The following FLRT3 variants were observed in gnomAD, a reference collection of about 807,000 sequenced individuals.
The protein encoded by FLRT3 is leucine-rich repeat transmembrane protein FLRT3.
FLRT3 carries 17 observed loss-of-function variants against 42.6 expected under a neutral mutation model. That is an observed-to-expected ratio of 0.40 (90% CI 0.27 to 0.60). The LOEUF (loss-of-function observed/expected upper bound fraction) is 0.60, where lower values mean the gene tolerates loss of function less well. Among genes scored for constraint, FLRT3 ranks in the 20% least tolerant of loss-of-function variants. The pLI, the probability that FLRT3 is intolerant of heterozygous loss-of-function variation, is 0.44. For missense variants in FLRT3, 635 were observed against 789.2 expected, an observed-to-expected ratio of 0.80 and a Z score of 2.34; for synonymous variants, 279 against 286.4, an observed-to-expected ratio of 0.97 and a Z score of 0.26.
At chr20:14,334,338 A>G (rs1229147825) in intron 1 of FLRT3, among the ~76,000 whole-genome samples, 1 of 152,200 alleles carries the variant, frequency 6.6e-6, no homozygotes, top group East Asian at 1.9e-4. Context: ...TAAGAGGAAG[A>G]ATGCTGTTTC....
rs1414064666 is a variant in FLRT3 at position 14,324,278 on chromosome 20, T to C, written c.*1279A>G. 1 of 72,004 alleles carries C rather than the reference T, an allele frequency of 1.4e-5. No individual in the cohort carries two copies. The highest frequency in any genetic ancestry group is 3.0e-5 in the Non-Finnish European group (1 of 32,870). The allele number at this position is 72,004 out of a possible 1,614,324, so 4.5% of individuals were successfully genotyped here. On this transcript the variant is annotated 3_prime_UTR_variant, in exon 3 of 3. Transcript: ENST00000341420. Reference sequence around the variant, plus strand: ...TGGCCAAAGGGCGTACAATGCACTTTGGTTTTTTGTTGAAAAAAAAAAAAT... The same window carrying C: ...TGGCCAAAGGGCGTACAATGCACTTCGGTTTTTTGTTGAAAAAAAAAAAAT...
intron 1 of FLRT3, among the ~76,000 whole-genome samples, chr20:14,336,635 G>GCATA (rs1258121537): frequency 2.0e-5 from 3 of 152,166 alleles, no homozygotes; most frequent in Non-Finnish European, 4.4e-5. Context: ...CAAACTCACT[G>GCATA]CATACATCAG....
Position 14,323,467 on chromosome 20 carries a change from CT to C in FLRT3, c.*2089del, listed in dbSNP as rs1212096258. ...ATCTGGAAGCTCTCCAAATCTTGAC[CT>C]TTTGTTTTTTTATGGAGGCTTGATT... On this transcript the variant is annotated 3_prime_UTR_variant, in exon 3 of 3. Coordinates refer to ENST00000341420, the MANE Select transcript of FLRT3 (RefSeq NM_198391.3). 6.6e-6 allele frequency: 1 copy of C among 152,110 alleles called. No homozygotes were observed. Among genetic ancestry groups the C allele is most frequent in the Non-Finnish European group, 1.5e-5 (1 of 68,026 alleles). The allele number at this position is 152,110 out of a possible 1,614,324, so 9.4% of individuals were successfully genotyped here. A position where few individuals can be genotyped will look rare whatever the true frequency, so the allele number is the denominator to read the frequency against.
chr20:14,330,227 A>G (rs1234994405), intron 1 of FLRT3, among the ~76,000 whole-genome samples: 1 of 152,056 alleles, frequency 6.6e-6, no homozygotes, highest in Non-Finnish European at 1.5e-5. Context: ...TAAAGAGATC[A>G]TTGAATTTAA....
Position 14,325,586 on chromosome 20 carries a change from T to C in FLRT3, c.1921A>G (p.Ile641Val). Residue 641 changes from isoleucine (I) to valine (V), a missense_variant, in exon 3 of 3, where the codon ATT (isoleucine) becomes GTT (valine). By Grantham distance (29) the Ile-to-Val change is conservative (BLOSUM62 3). Coordinates refer to ENST00000341420, the MANE Select transcript of FLRT3 (RefSeq NM_198391.3). ...SSNRSYRDSG[I>V]PDSDHSHS ...GAGTGTGAGTGATCTGAGTCTGGAA[T>C]ACCACTGTCTCTGTAGCTTCGGTTA... 1 of 1,612,736 alleles carries C rather than the reference T, an allele frequency of 6.2e-7. No individual in the cohort carries two copies. The highest frequency in any genetic ancestry group is 1.7e-4 in the Middle Eastern group (1 of 6,046).
rs1362947848 is a variant in FLRT3, at chr20:14,329,269, G to A, written c.-188C>T. 6.6e-6 allele frequency: 1 copy of A among 151,978 alleles called. No individual in the cohort carries two copies. The highest frequency in any genetic ancestry group is 1.5e-5 in the Non-Finnish European group (1 of 67,976). The allele number at this position is 151,978 out of a possible 1,614,324, so 9.4% of individuals were successfully genotyped here. A position where few individuals can be genotyped will look rare whatever the true frequency, so the allele number is the denominator to read the frequency against. ...TAAATTCTTCATTTAAAGAAAAGGA[G>A]GCATACTAAATTTCCTTTATATTTC... On this transcript the variant is annotated 5_prime_UTR_variant, in exon 2 of 3. Coordinates refer to ENST00000341420, the MANE Select transcript of FLRT3 (RefSeq NM_198391.3).
In FLRT3 at chr20:14,325,879, G is replaced by T; in HGVS notation, c.1628C>A (p.Ala543Asp). ...ATACCAACACACTAAAGCAAGAAGG[G>T]CAATGGTAACCAGGGCCACAGCCCC... ...IGGAVALVTI[A>D]LLALVCWYVH... The change falls in exon 3 of 3, where the codon GCC (alanine) becomes GAC (aspartate). Residue 543 changes from alanine to aspartate, a missense_variant. Physicochemically the swap from Ala to Asp is moderately radical, Grantham distance 126. Transcript: ENST00000341420. 1 of 1,613,936 alleles carries T rather than the reference G, an allele frequency of 6.2e-7. No individual in the cohort carries two copies.
chr20:14,330,157 A>G (rs1336148344), intron 1 of FLRT3, among the ~76,000 whole-genome samples: 1 of 152,060 alleles, frequency 6.6e-6, no homozygotes. Context: ...TTCATACATG[A>G]ATATTGCCAG....
At position 14,326,604 on chromosome 20, in the gene FLRT3, A is replaced by G; in HGVS notation, c.903T>C (p.Ile301=). ...FDDLDNITQL[I]LRNNPWYCGC... ...CGCAATACCAGGGATTGTTGCGAAG[A>G]ATCAGTTGTGTTATATTGTCCAAAT... The change falls in exon 3 of 3, where the codon ATT becomes ATC. Residue 301 remains isoleucine, a synonymous_variant. Coordinates refer to ENST00000341420, the MANE Select transcript of FLRT3 (RefSeq NM_198391.3). This position sits in a 1 kb window ranked among gnomAD's most constrained non-coding sequence, Gnocchi z 5.5. The G allele has an allele frequency of 6.2e-7, 1 of 1,613,912 alleles. No individual in the cohort carries two copies. The highest frequency in any genetic ancestry group is 8.5e-7 in the Non-Finnish European group (1 of 1,179,868).
rs1236096888 is a variant in FLRT3 at position 14,324,785 on chromosome 20, A to G, written c.*772T>C. The stretch of plus-strand genomic sequence containing the variant: ...TAAGTTTCCATGTTTTCCTAAGTAC[A>G]CATTTTCCCCCCAACTTGGAAGCAC... On this transcript the variant is annotated 3_prime_UTR_variant, in exon 3 of 3. Transcript: ENST00000341420. The G allele has an allele frequency of 1.3e-5, 2 of 152,140 alleles. No individual in the cohort carries two copies. Among genetic ancestry groups the G allele is most frequent in the Non-Finnish European group, 2.9e-5 (2 of 68,028 alleles). The allele number at this position is 152,140 out of a possible 1,614,324, so 9.4% of individuals were successfully genotyped here.
chr20:14,331,295 T>G, intron 1 of FLRT3, among the ~76,000 whole-genome samples: 1 of 152,150 alleles, frequency 6.6e-6, no homozygotes, highest in East Asian at 1.9e-4. Flanking sequence ...TTTCACATTT[T>G]TAACCCAGAG....
chr20:14,326,311 T>C lies in FLRT3; in HGVS notation c.1196A>G (p.Asp399Gly). 6.2e-7 allele frequency: 1 copy of C among 1,613,908 alleles called. No individual in the cohort carries two copies. Among genetic ancestry groups the C allele is most frequent in the Non-Finnish European group, 8.5e-7 (1 of 1,179,852 alleles). ...PDIKNPKLTKDHQTTGSPSRK... is the reference protein window; with the variant it reads ...PDIKNPKLTKGHQTTGSPSRK... ...TGAGGGACTCCCTGTGGTTTGGTGA[T>C]CCTTAGTGAGCTTGGGGTTCTTAAT... The change falls in exon 3 of 3, where the codon GAT becomes GGT. Residue 399 changes from aspartate (D) to glycine (G), a missense_variant. By Grantham distance (94) the Asp-to-Gly change is moderately conservative (BLOSUM62 -1). Transcript: ENST00000341420. This position sits in a 1 kb window ranked among gnomAD's most constrained non-coding sequence, Gnocchi z 5.5.
rs1445514650 is a variant in FLRT3, at chr20:14,329,250, C to A, written c.-169G>T. 3.3e-5 allele frequency: 5 copies of A among 151,980 alleles called. No homozygotes were observed. The highest frequency in any genetic ancestry group is 7.4e-5 in the Non-Finnish European group (5 of 67,970). The allele number at this position is 151,980 out of a possible 1,614,324, so 9.4% of individuals were successfully genotyped here. A position where few individuals can be genotyped will look rare whatever the true frequency, so the allele number is the denominator to read the frequency against. ...TTTAAGAAGTAAAGGAAACTAAATT[C>A]TTCATTTAAAGAAAAGGAGGCATAC... is the stretch of plus-strand genomic sequence containing the variant. On this transcript the variant is annotated 5_prime_UTR_variant, in exon 2 of 3. Coordinates refer to ENST00000341420, the MANE Select transcript of FLRT3 (RefSeq NM_198391.3).
chr20:14,325,972 G>T lies in FLRT3; in HGVS notation c.1535C>A (p.Thr512Asn). ...APLRMYNPTT[T>N]LNREQEKEPY... ...TTCTTTCTCTTGCTCTCGATTGAGG[G>T]TGGTTGTAGGGTTGTACATTCGAAG... Residue 512 changes from threonine to asparagine, a missense_variant, in exon 3 of 3, where the codon ACC becomes AAC. Physicochemically the swap from Thr to Asn is moderately conservative, Grantham distance 65. Coordinates refer to ENST00000341420, the MANE Select transcript of FLRT3 (RefSeq NM_198391.3). The T allele has an allele frequency of 6.2e-7, 1 of 1,613,918 alleles. No individual in the cohort carries two copies. The highest frequency in any genetic ancestry group is 8.5e-7 in the Non-Finnish European group (1 of 1,179,882).
rs1427635276 is a variant in FLRT3, at chr20:14,325,729, G to C, written c.1778C>G (p.Ser593Cys). Residue 593 changes from serine to cysteine, a missense_variant, in exon 3 of 3, where the codon TCT becomes TGT. Ser to Cys is a moderately radical substitution (Grantham distance 112). Coordinates refer to ENST00000341420, the MANE Select transcript of FLRT3 (RefSeq NM_198391.3). ...DNSILEIRET[S>C]FQMLPISNEP... Reference sequence around the variant, plus strand: ...ATTGCTTATTGGTAACATCTGAAAAGAAGTTTCCCTGATTTCCAGGATAGA... The same window carrying C: ...ATTGCTTATTGGTAACATCTGAAAACAAGTTTCCCTGATTTCCAGGATAGA... 6.2e-7 allele frequency: 1 copy of C among 1,613,822 alleles called. No homozygotes were observed.
At chr20:14,330,591 A>G (rs1219238766) in intron 1 of FLRT3, among the ~76,000 whole-genome samples, 1 of 152,106 alleles carries the variant, frequency 6.6e-6, no homozygotes, top group Non-Finnish European at 1.5e-5. Context: ...GTCATAGGCT[A>G]TATTAACGGA....
At chr20:14,337,378 T>A in intron 1 of FLRT3, 26 bp downstream of exon 1, 3 of 272,968 alleles carry the variant, frequency 1.1e-5, no homozygotes, top group Middle Eastern at 9.3e-4. Flanking sequence ...GGGACAATCA[T>A]AAGAAAAAAC....
intron 1 of FLRT3, 59 bp downstream of exon 1, chr20:14,337,345 G>T: frequency 6.4e-6 from 2 of 314,442 alleles, no homozygotes; most frequent in Non-Finnish European, 1.1e-5. Context: ...TCTTTCTAGA[G>T]AGTAAAACCA....
Position 14,326,378 on chromosome 20 carries a change from C to T in FLRT3, c.1129G>A (p.Ala377Thr), listed in dbSNP as rs8120693. ...TTAIPNTVYP[A>T]QGQWPAPVTK... is the part of the protein sequence containing the mutation. ...ACTGGAGCTGGCCACTGTCCTTGGG[C>T]AGGATACACTGTGTTGGGTATTGCA... The change falls in exon 3 of 3, where the codon GCC (alanine) becomes ACC (threonine). Residue 377 changes from alanine (A) to threonine (T), a missense_variant. Ala to Thr is a moderately conservative substitution (Grantham distance 58). Coordinates refer to ENST00000341420, the MANE Select transcript of FLRT3 (RefSeq NM_198391.3). The surrounding 1 kb of genome is among the most constrained non-coding windows in gnomAD (Gnocchi z 5.5). The T allele has an allele frequency of 0.012, 18,844 of 1,613,912 alleles. 142 individuals carry two copies. Among genetic ancestry groups the T allele is most frequent in the African/African-American group, 0.027 (2,008 of 75,014 alleles).
Sources: allele counts gnomAD v4.1 joint callset (sites outside exome capture counted in the v4.1 genomes callset), GRCh38; gene constraint gnomAD v4.1.1; non-coding constraint Gnocchi (gnomAD v3.1); transcripts MANE v1.5; gene names NCBI Gene and HGNC (gene_info 2026-07-23, HGNC 2026-07-21).